KCNH7: variants seen among roughly 807,000 people sequenced by gnomAD.
The protein encoded by KCNH7 is potassium voltage-gated channel subfamily H member 7, also known as voltage-gated inwardly rectifying potassium channel KCNH7.
In KCNH7, 49 loss-of-function variants were observed where a neutral mutation model predicts 120.8. That is an observed-to-expected ratio of 0.41 (90% confidence interval 0.32 to 0.51). The LOEUF is 0.51. KCNH7 is among the 20% of genes least tolerant of loss of function. KCNH7 has a pLI of 0.38. For synonymous variants in KCNH7, 547 were observed against 516.1 expected, an observed-to-expected ratio of 1.06 and a Z score of -0.81; for missense variants, 1,097 against 1,446.6, an observed-to-expected ratio of 0.76 and a Z score of 3.92.
intron 1 of KCNH7, 49 bp downstream of exon 1, chr2:162,838,394 A>G (rs1670029314): frequency 6.7e-7 from 1 of 1,484,642 alleles, no homozygotes; most frequent in Non-Finnish European, 9.4e-7. Flanking sequence ...CGCCAAGTGC[A>G]CTAACAAGGC....
intron 14 of KCNH7, among the ~76,000 whole-genome samples, chr2:162,375,609 GA>G (rs1032848033): frequency 1.8e-4 from 27 of 152,214 alleles, no homozygotes; most frequent in African/African-American, 6.5e-4. Context: ...AGTGTTTTAT[GA>G]CAAGGGTCTG....
At chr2:162,578,996 A>G (rs1693779970) in intron 2 of KCNH7, among the ~76,000 whole-genome samples, 1 of 151,852 alleles carries the variant, frequency 6.6e-6, no homozygotes, top group Non-Finnish European at 1.5e-5. Flanking sequence ...TGAAACGCCT[A>G]CACTTGGACT....
intron 2 of KCNH7, among the ~76,000 whole-genome samples, chr2:162,783,838 C>A (rs1235830508): frequency 2.0e-5 from 3 of 151,982 alleles, no homozygotes; most frequent in African/African-American, 4.8e-5. Flanking sequence ...ACATAAGAAA[C>A]CTATATTAAA....
chr2:162,552,188 A>G (rs980146121), intron 2 of KCNH7, among the ~76,000 whole-genome samples: 1 of 152,236 alleles, frequency 6.6e-6, no homozygotes, highest in Non-Finnish European at 1.5e-5. Flanking sequence ...AGAAGTCTCC[A>G]TAACTACCTT....
rs1197981208 is a variant in KCNH7, at chr2:162,838,708, C to T, written c.-190G>A. ...TTTCCCCACCGGAGTCCAATCCATT[C>T]CCCTCACCTTCCGGAGGGGGCCTCG... On this transcript the variant is annotated 5_prime_UTR_variant, in exon 1 of 16. Coordinates refer to ENST00000332142, the MANE Select transcript of KCNH7 (RefSeq NM_033272.4). The T allele has an allele frequency of 6.4e-6, 3 of 466,704 alleles. No homozygotes were observed. The highest frequency in any genetic ancestry group is 1.1e-5 in the Non-Finnish European group (3 of 262,888). The allele number at this position is 466,704 out of a possible 1,614,324, so 28.9% of individuals were successfully genotyped here. A position where few individuals can be genotyped will look rare whatever the true frequency, so the allele number is the denominator to read the frequency against.
chr2:162,392,291 C>A (rs73014843), intron 12 of KCNH7, among the ~76,000 whole-genome samples: 2 of 150,278 alleles, frequency 1.3e-5, no homozygotes, highest in African/African-American at 2.4e-5. Context: ...TGTGTGTGTG[C>A]GCATGTGTGT....
At chr2:162,441,237 A>G (rs1250345581) in intron 7 of KCNH7, among the ~76,000 whole-genome samples, 1 of 152,194 alleles carries the variant, frequency 6.6e-6, no homozygotes, top group Non-Finnish European at 1.5e-5. Context: ...AAAGTTGAAC[A>G]TGATTATATT....
chr2:162,791,844 T>C (rs902783021), intron 2 of KCNH7, among the ~76,000 whole-genome samples: 1 of 152,176 alleles, frequency 6.6e-6, no homozygotes, highest in African/African-American at 2.4e-5. Flanking sequence ...AGAGAGGGCA[T>C]CCTTGTCTTG....
chr2:162,674,975 C>A (rs762822193), intron 2 of KCNH7, among the ~76,000 whole-genome samples: 5 of 151,292 alleles, frequency 3.3e-5, no homozygotes, highest in Non-Finnish European at 4.4e-5. Context: ...TAATACACAC[C>A]TTTTATTCAT....
intron 9 of KCNH7, among the ~76,000 whole-genome samples, chr2:162,415,036 G>A (rs547225330): frequency 2.3e-3 from 349 of 151,834 alleles, no homozygotes; most frequent in Non-Finnish European, 3.6e-3. Flanking sequence ...AAATCATGCC[G>A]TATATTTAAC....
At chr2:162,533,895 A>G (rs1382708913) in intron 3 of KCNH7, among the ~76,000 whole-genome samples, 2 of 151,582 alleles carry the variant, frequency 1.3e-5, no homozygotes, top group African/African-American at 4.8e-5. Context: ...CACATGACAT[A>G]CTCATGAAAA....
chr2:162,447,272 A>G (rs1037046183), intron 6 of KCNH7, among the ~76,000 whole-genome samples: 2 of 152,122 alleles, frequency 1.3e-5, no homozygotes, highest in Non-Finnish European at 1.5e-5. Flanking sequence ...GTTTACCTGA[A>G]AAAAATGAAA....
chr2:162,716,356 A>T (rs1687124874), intron 2 of KCNH7, among the ~76,000 whole-genome samples: 1 of 152,144 alleles, frequency 6.6e-6, no homozygotes, highest in South Asian at 2.1e-4. Flanking sequence ...ATTTGTTCTC[A>T]AAAACTAAAA....
At chr2:162,559,054 C>CAAAAAAAA (rs780823559) in intron 2 of KCNH7, among the ~76,000 whole-genome samples, 1 of 37,176 alleles carries the variant, frequency 2.7e-5, no homozygotes, top group Non-Finnish European at 5.6e-5. Flanking sequence ...GACTCTGCCT[C>CAAAAAAAA]AAAAAAAAAA....
At chr2:162,614,647 G>T in intron 2 of KCNH7, among the ~76,000 whole-genome samples, 1 of 149,822 alleles carries the variant, frequency 6.7e-6, no homozygotes, top group Non-Finnish European at 1.5e-5. Context: ...TCATATGATA[G>T]AATTTTGATG....
Position 162,724,881 on chromosome 2 carries a change from A to G in KCNH7, c.307+111656T>C, listed in dbSNP as rs1319665646. On this transcript the variant is annotated intron_variant, in intron 2 of 15. Transcript: ENST00000332142. ...ATATTATAGCAACTTACTGCATCAA[A>G]GGAAAAGGTTACTTCCTTAAATCCT... Among the ~76,000 whole-genome samples the G allele has an allele frequency of 4.6e-5, 7 of 152,186 alleles. 1 individual carries two copies. Among genetic ancestry groups the G allele is most frequent in the Non-Finnish European group, 8.8e-5 (6 of 68,024 alleles).
At chr2:162,804,559 C>A (rs937690211) in intron 2 of KCNH7, among the ~76,000 whole-genome samples, 2 of 151,830 alleles carry the variant, frequency 1.3e-5, no homozygotes, top group African/African-American at 4.8e-5. Flanking sequence ...AAGATCTGTA[C>A]AAGTAGAACT....
intron 2 of KCNH7, among the ~76,000 whole-genome samples, chr2:162,643,267 T>A (rs570167383): frequency 7.0e-6 from 1 of 143,396 alleles, no homozygotes; most frequent in Non-Finnish European, 1.5e-5. Context: ...AGACTATTGA[T>A]TTTTTTTTTT....
intron 6 of KCNH7, among the ~76,000 whole-genome samples, chr2:162,470,893 C>T (rs978859491): frequency 3.9e-5 from 6 of 152,226 alleles, no homozygotes; most frequent in Non-Finnish European, 7.3e-5. Flanking sequence ...TCACTTTGTT[C>T]TGTACTAAGA....
Sources: gnomAD v4.1 joint callset for allele counts (sites outside exome capture counted in the v4.1 genomes callset) on GRCh38, gnomAD v4.1.1 for gene constraint, MANE v1.5 for transcripts, NCBI Gene and HGNC (gene_info 2026-07-23, HGNC 2026-07-21) for gene names.